VWA5B1: variants seen among roughly 807,000 people sequenced by gnomAD.
The protein encoded by VWA5B1 is von Willebrand factor A domain-containing protein 5B1.
A neutral mutation model predicts 118.2 loss-of-function variants in VWA5B1; 115 were observed. The ratio of observed to expected loss-of-function variants is 0.97; its 90% CI spans 0.84 to 1.14. The LOEUF is 1.14. Ranked by LOEUF, VWA5B1 falls within the 50% of genes most tolerant of loss-of-function variation. The pLI is 0.00. For synonymous variants in VWA5B1, 682 were observed against 658.4 expected, an observed-to-expected ratio of 1.04 and a Z score of -0.55; for missense variants, 1,596 against 1,603.8, an observed-to-expected ratio of 1.00 and a Z score of 0.08.
intron 3 of VWA5B1, among the ~76,000 whole-genome samples, chr1:20,313,664 G>C (rs1266235594): frequency 6.6e-6 from 1 of 152,214 alleles, no homozygotes; most frequent in Non-Finnish European, 1.5e-5. Flanking sequence ...TCTTACTACT[G>C]GATCTACGAT....
chr1:20,317,664 G>T lies in VWA5B1; in HGVS notation c.698G>T (p.Cys233Phe), dbSNP rs374971731. 2.0e-4 allele frequency: 303 copies of T among 1,551,316 alleles called. No homozygotes were observed. The highest frequency in any genetic ancestry group is 1.1e-3 in the Admixed American group (55 of 50,938). ...FNFQLEIRGP[C>F]LLAGVESPTH... ...TTCCAGCTGGAGATCCGTGGGCCAT[G>T]TCTGCTCGCAGGTGAGAGGGAGACA... Residue 233 changes from cysteine (C) to phenylalanine (F), a missense_variant, in exon 5 of 22, where the codon TGT becomes TTT. Physicochemically the swap from Cys to Phe is radical, Grantham distance 205. Coordinates refer to ENST00000289815, the MANE Select transcript of VWA5B1 (RefSeq NM_001039500.3).
chr1:20,292,797 G>A (rs1487582454), intron 1 of VWA5B1, among the ~76,000 whole-genome samples: 1 of 152,204 alleles, frequency 6.6e-6, no homozygotes, highest in Non-Finnish European at 1.5e-5. Flanking sequence ...TGCTTCAGTT[G>A]TCTCCAATCC....
intron 19 of VWA5B1, 113 bp from the exon 20 acceptor site, chr1:20,350,744 G>C (rs561940062): frequency 3.0e-6 from 3 of 992,668 alleles, no homozygotes; most frequent in Admixed American, 4.1e-5. Flanking sequence ...CGAGTCCCTA[G>C]GAACTTAGCT....
chr1:20,348,687 A>G (rs942010412), intron 18 of VWA5B1, among the ~76,000 whole-genome samples: 2 of 152,210 alleles, frequency 1.3e-5, no homozygotes, highest in African/African-American at 2.4e-5. Context: ...CCTCCCAGGC[A>G]CCAACTGCCA....
chr1:20,357,502 T>C lies in VWA5B1; in HGVS notation c.*3239T>C, dbSNP rs771443798. On this transcript the variant is annotated 3_prime_UTR_variant, in exon 22 of 22. Coordinates refer to ENST00000289815, the MANE Select transcript of VWA5B1 (RefSeq NM_001039500.3). Reference sequence around the variant, plus strand: ...CCAGCAGCAGCTCTTCTCTGGTTACTAGGTCGCAAAATGCTGGTCTAGATC... The same window carrying C: ...CCAGCAGCAGCTCTTCTCTGGTTACCAGGTCGCAAAATGCTGGTCTAGATC... Among the ~76,000 whole-genome samples, 16 of 152,232 alleles carry C rather than the reference T, an allele frequency of 1.1e-4. No homozygotes were observed. Among genetic ancestry groups the C allele is most frequent in the Non-Finnish European group, 2.1e-4 (14 of 68,040 alleles).
chr1:20,337,508 C>G, intron 13 of VWA5B1, 138 bp from the exon 14 acceptor site: 1 of 964,804 alleles, frequency 1.0e-6, no homozygotes, highest in Non-Finnish European at 1.5e-6. Flanking sequence ...GCTTTGGATG[C>G]CAGGGGAGGC....
At chr1:20,328,099 C>G in intron 9 of VWA5B1, 99 bp downstream of exon 9, 1 of 1,163,952 alleles carries the variant, frequency 8.6e-7, no homozygotes, top group Non-Finnish European at 1.2e-6. Flanking sequence ...CTAGTGCTGG[C>G]CTCAGAAGCT....
chr1:20,333,630 T>G (rs1200067960), intron 12 of VWA5B1, among the ~76,000 whole-genome samples: 1 of 152,236 alleles, frequency 6.6e-6, no homozygotes, highest in Non-Finnish European at 1.5e-5. Flanking sequence ...CAGATTTCCT[T>G]CTCCACACAC....
chr1:20,299,634 A>G (rs1296596064), intron 1 of VWA5B1, among the ~76,000 whole-genome samples: 4 of 152,062 alleles, frequency 2.6e-5, no homozygotes, highest in Non-Finnish European at 1.5e-5. Context: ...AAACTCCTGA[A>G]CTTAAGCGAT....
chr1:20,333,030 T>C, intron 12 of VWA5B1, 79 bp downstream of exon 12: 1 of 1,479,606 alleles, frequency 6.8e-7, no homozygotes, highest in Non-Finnish European at 9.1e-7. Flanking sequence ...GGAAAGACTA[T>C]TTGTGACAGC....
In VWA5B1 at chr1:20,350,852, TC is replaced by T; in HGVS notation, c.2954-3del. 2 of 1,551,772 alleles carry T rather than the reference TC, an allele frequency of 1.3e-6. No individual in the cohort carries two copies. Among genetic ancestry groups the T allele is most frequent in the African/African-American group, 1.4e-5 (1 of 73,154 alleles). On this transcript the variant is annotated splice_polypyrimidine_tract_variant and splice_region_variant and intron_variant, in intron 19 of 21. Coordinates refer to ENST00000289815, the MANE Select transcript of VWA5B1 (RefSeq NM_001039500.3). ...TCTCAACTTGGTCATTCTGTGGCTC[TC>T]CAGGTCCCCAGCGCAGCCTGGCTAC...
At chr1:20,312,628 A>G (rs2088882041) in intron 2 of VWA5B1, among the ~76,000 whole-genome samples, 1 of 152,182 alleles carries the variant, frequency 6.6e-6, no homozygotes, top group Non-Finnish European at 1.5e-5. Context: ...CACACCTGCA[A>G]AATAAGAGCT....
At chr1:20,324,232 T>A (rs2089307771) in intron 8 of VWA5B1, among the ~76,000 whole-genome samples, 1 of 152,080 alleles carries the variant, frequency 6.6e-6, no homozygotes, top group Admixed American at 6.6e-5. Flanking sequence ...GAGCTGACAG[T>A]CAAGAGAGAG....
intron 7 of VWA5B1, among the ~76,000 whole-genome samples, chr1:20,321,139 A>G (rs949382529): frequency 1.3e-5 from 2 of 150,938 alleles, no homozygotes; most frequent in Non-Finnish European, 2.9e-5. Flanking sequence ...ACACGAAAAG[A>G]TGCACACACA....
At chr1:20,297,252 G>A (rs1338588336) in intron 1 of VWA5B1, among the ~76,000 whole-genome samples, 3 of 152,218 alleles carry the variant, frequency 2.0e-5, no homozygotes, top group Non-Finnish European at 4.4e-5. Context: ...CTACGCTGCA[G>A]TAAAAAAGCA....
chr1:20,353,445 C>T (rs1445080423), intron 21 of VWA5B1, among the ~76,000 whole-genome samples: 1 of 152,124 alleles, frequency 6.6e-6, no homozygotes, highest in Non-Finnish European at 1.5e-5. Flanking sequence ...CTGATGGTTA[C>T]ACAGGGAGAA....
chr1:20,305,247 G>C (rs2088614693), intron 1 of VWA5B1, among the ~76,000 whole-genome samples: 1 of 152,194 alleles, frequency 6.6e-6, no homozygotes, highest in Admixed American at 6.5e-5. Context: ...ATCACAGATG[G>C]TATGTGAAGT....
intron 1 of VWA5B1, among the ~76,000 whole-genome samples, chr1:20,310,239 C>T (rs10916760): frequency 0.16 from 24,306 of 152,084 alleles, 2,792 homozygotes; most frequent in African/African-American, 0.32. Flanking sequence ...CTCCCCTCCC[C>T]GCGTGGTCTG....
At chr1:20,333,207 G>T (rs189743382) in intron 12 of VWA5B1, among the ~76,000 whole-genome samples, 1 of 152,334 alleles carries the variant, frequency 6.6e-6, no homozygotes, top group Non-Finnish European at 1.5e-5. Context: ...ACCACTTGAA[G>T]AACTTGTTTA....
Sources: gnomAD v4.1 joint callset for allele counts (sites outside exome capture counted in the v4.1 genomes callset) on GRCh38, gnomAD v4.1.1 for gene constraint, MANE v1.5 for transcripts, NCBI Gene and HGNC (gene_info 2026-07-23, HGNC 2026-07-21) for gene names.